The following TENM2 variants were observed in gnomAD, a reference collection of about 807,000 sequenced individuals.
TENM2 encodes teneurin-2.
TENM2 carries 52 observed loss-of-function variants against 245.2 expected under a neutral mutation model. The ratio of observed to expected loss-of-function variants is 0.21; its 90% CI spans 0.17 to 0.27. The LOEUF (loss-of-function observed/expected upper bound fraction) is 0.27. TENM2 is among the 10% of genes least tolerant of loss of function. The pLI is 1.00. For synonymous variants in TENM2, 1,363 were observed against 1,438.9 expected (o/e 0.95, Z 1.19); for missense variants, 3,046 against 3,666.8 (o/e 0.83, Z 4.37).
At chr5:168,018,236 A>AT (rs1264827031) in intron 5 of TENM2, among the ~76,000 whole-genome samples, 2 of 151,650 alleles carry the variant, frequency 1.3e-5, no homozygotes, top group African/African-American at 4.9e-5. Context: ...ATTAAGTCTG[A>AT]TTTTTTTCTC....
intron 9 of TENM2, among the ~76,000 whole-genome samples, chr5:168,106,468 G>A (rs931106492): frequency 5.9e-5 from 9 of 152,044 alleles, no homozygotes; most frequent in African/African-American, 2.2e-4. Flanking sequence ...ATTTATAGAC[G>A]ATTATCATCC....
intron 1 of TENM2, among the ~76,000 whole-genome samples, chr5:167,326,633 A>G (rs769690241): frequency 7.9e-5 from 12 of 151,318 alleles, no homozygotes; most frequent in Admixed American, 7.9e-4. Context: ...AGTTCATGCC[A>G]CTGCACTCCA....
At chr5:167,965,195 G>A (rs1465789880) in intron 4 of TENM2, 1 of 152,112 alleles carries the variant, frequency 6.6e-6, no homozygotes, top group Non-Finnish European at 1.5e-5. Flanking sequence ...TAGATGTCTG[G>A]GTGAATAGCA....
chr5:167,983,816 G>C (rs957750806), intron 4 of TENM2, among the ~76,000 whole-genome samples: 2 of 152,306 alleles, frequency 1.3e-5, no homozygotes, highest in African/African-American at 4.8e-5. Flanking sequence ...CTTCCTAGGG[G>C]ACAGTGAGTG....
At chr5:168,139,245 A>G (rs1213750762) in intron 12 of TENM2, among the ~76,000 whole-genome samples, 5 of 152,234 alleles carry the variant, frequency 3.3e-5, no homozygotes, top group Admixed American at 3.3e-4. Context: ...AACTTAGTTA[A>G]ATCAAATGAA....
At chr5:167,163,203 A>G in the TENM2 span, among the ~76,000 whole-genome samples, 1 of 152,138 alleles carries the variant, frequency 6.6e-6, no homozygotes, top group East Asian at 1.9e-4. Flanking sequence ...CCTGGGCTCC[A>G]TTGGTCCTTT....
intron 4 of TENM2, among the ~76,000 whole-genome samples, chr5:167,953,742 A>T (rs1780304984): frequency 6.6e-6 from 1 of 152,240 alleles, no homozygotes; most frequent in South Asian, 2.1e-4. Flanking sequence ...ATAGATTTTA[A>T]ACTTTAATAA....
chr5:168,055,534 A>G (rs1361113918), intron 6 of TENM2, among the ~76,000 whole-genome samples: 1 of 152,188 alleles, frequency 6.6e-6, no homozygotes, highest in Admixed American at 6.5e-5. Context: ...CTGCAGATGT[A>G]CTGGTCACTC....
At chr5:167,835,325 T>C (rs1013623493) in intron 2 of TENM2, among the ~76,000 whole-genome samples, 5 of 152,194 alleles carry the variant, frequency 3.3e-5, no homozygotes, top group Middle Eastern at 3.2e-3. Flanking sequence ...AGAGCTGCAA[T>C]TTGGGACTTG....
At chr5:168,253,865 G>T (rs1767393135) in intron 27 of TENM2, among the ~76,000 whole-genome samples, 1 of 152,218 alleles carries the variant, frequency 6.6e-6, no homozygotes, top group Non-Finnish European at 1.5e-5. Context: ...TTCCAACCCT[G>T]CTCTGAATGG....
At chr5:167,344,177 G>A (rs1220707496) in intron 1 of TENM2, among the ~76,000 whole-genome samples, 2 of 148,048 alleles carry the variant, frequency 1.4e-5, no homozygotes, top group South Asian at 4.2e-4. Flanking sequence ...TATATATAAA[G>A]TAGAGAATAC....
intron 12 of TENM2, among the ~76,000 whole-genome samples, chr5:168,154,164 A>AAAAAAAAAAAAAAAAAAAC (rs1171979738): frequency 2.7e-5 from 4 of 150,656 alleles, no homozygotes; most frequent in African/African-American, 9.9e-5. Context: ...AAAAAAAAAA[A>AAAAAAAAAAAAAAAAAAAC]AACAGTAAGA....
At chr5:167,451,556 A>T (rs531488162) in intron 2 of TENM2, among the ~76,000 whole-genome samples, 2 of 152,288 alleles carry the variant, frequency 1.3e-5, no homozygotes, top group East Asian at 3.9e-4. Context: ...TTGTCATGCT[A>T]TTCCCCTTTA....
chr5:167,890,281 C>T (rs1774642931), intron 3 of TENM2, among the ~76,000 whole-genome samples: 1 of 152,130 alleles, frequency 6.6e-6, no homozygotes, highest in East Asian at 1.9e-4. Context: ...AATCTGTCGC[C>T]TCTCTTTAAA....
chr5:168,196,772 G>T (rs997708268), intron 15 of TENM2, among the ~76,000 whole-genome samples: 2 of 152,178 alleles, frequency 1.3e-5, no homozygotes, highest in Non-Finnish European at 2.9e-5. Context: ...CAGTGTTCTT[G>T]AAGAACTGAC....
At position 168,126,173 on chromosome 5, in the gene TENM2, A is replaced by G. The variant is rs531931774; in HGVS notation, c.2210-581A>G. Among the ~76,000 whole-genome samples the G allele has an allele frequency of 3.3e-5, 5 of 152,324 alleles. 1 individual carries two copies. The highest frequency in any genetic ancestry group is 1.2e-4 in the African/African-American group (5 of 41,574). Reference sequence around the variant, plus strand: ...ATTACAGCGGTCATTATCACCGCCAAGGTACCAATCTGGGTAACGGGGTAT... The same window carrying G: ...ATTACAGCGGTCATTATCACCGCCAGGGTACCAATCTGGGTAACGGGGTAT... On this transcript the variant is annotated intron_variant, in intron 11 of 28. Transcript: ENST00000518659.
the TENM2 span, among the ~76,000 whole-genome samples, chr5:167,203,365 C>G: frequency 1.3e-5 from 2 of 152,214 alleles, no homozygotes; most frequent in African/African-American, 4.8e-5. Flanking sequence ...ATGCCTCTTT[C>G]TCTCCGACCA....
intron 2 of TENM2, among the ~76,000 whole-genome samples, chr5:167,381,897 T>G (rs2127336136): frequency 6.6e-6 from 1 of 152,284 alleles, no homozygotes; most frequent in Non-Finnish European, 1.5e-5. Context: ...CTAAAATGGT[T>G]TTAAGGCATT....
intron 4 of TENM2, among the ~76,000 whole-genome samples, chr5:167,979,967 C>T (rs1782714541): frequency 6.6e-6 from 1 of 152,174 alleles, no homozygotes; most frequent in Non-Finnish European, 1.5e-5. Flanking sequence ...TTACATTCAT[C>T]ACCTCCTACA....
Sources: gnomAD v4.1 joint callset for allele counts (sites outside exome capture counted in the v4.1 genomes callset) on GRCh38, gnomAD v4.1.1 for gene constraint, MANE v1.5 for transcripts, NCBI Gene and HGNC (gene_info 2026-07-23, HGNC 2026-07-21) for gene names.